The following NPAS3 variants were observed in gnomAD, a reference collection of about 807,000 sequenced individuals.
The protein encoded by NPAS3 is neuronal PAS domain protein 3.
In NPAS3, 14 loss-of-function variants were observed where a neutral mutation model predicts 73.1. The ratio of observed to expected loss-of-function variants is 0.19; its 90% CI spans 0.13 to 0.30. NPAS3 has a LOEUF of 0.30. Among genes scored for constraint, NPAS3 ranks in the 10% least tolerant of loss-of-function variants. NPAS3 has a pLI of 1.00. For missense variants in NPAS3, 1,096 were observed against 1,250.0 expected (o/e 0.88, Z 1.86); for synonymous variants, 620 against 541.5 (o/e 1.14, Z -2.01).
intron 4 of NPAS3, among the ~76,000 whole-genome samples, chr14:33,528,219 C>T (rs2053887787): frequency 6.6e-6 from 1 of 151,840 alleles, no homozygotes; most frequent in East Asian, 1.9e-4. Flanking sequence ...TTAATGTGCC[C>T]ACCCCACTGA....
intron 2 of NPAS3, among the ~76,000 whole-genome samples, chr14:33,147,962 T>G (rs1347288676): frequency 6.6e-6 from 1 of 151,950 alleles, no homozygotes; most frequent in Non-Finnish European, 1.5e-5. Context: ...CAATTCAAAC[T>G]TGGGCCATGG....
intron 3 of NPAS3, among the ~76,000 whole-genome samples, chr14:33,360,861 T>C (rs2045566603): frequency 6.6e-6 from 1 of 152,158 alleles, no homozygotes; most frequent in South Asian, 2.1e-4. Flanking sequence ...CGGCCCAGGC[T>C]GTGGATCACG....
Position 33,414,088 on chromosome 14 carries a change from G to T in NPAS3, c.468+46820G>T, listed in dbSNP as rs535177173. Among the ~76,000 whole-genome samples the T allele has an allele frequency of 8.1e-4, 123 of 152,170 alleles. 3 individuals carry two copies. The East Asian group carries it at 0.012, about 14-fold the overall frequency. On this transcript the variant is annotated intron_variant, in intron 4 of 11. Transcript: ENST00000356141. ...CCTTAGTTAGAGACTCAGGTTATGT[G>T]CATATTGCAATATTTCCATGCATTT...
At position 33,443,037 on chromosome 14, in the gene NPAS3, C is replaced by G. The variant is rs117032195; in HGVS notation, c.468+75769C>G. On this transcript the variant is annotated intron_variant, in intron 4 of 11. Transcript: ENST00000356141. ...ACATTGTTTAAAATGTGGAATGATT[C>G]AGGATAATTACAGAGCAAATCAGTA... Among the ~76,000 whole-genome samples, 909 of 152,236 alleles carry G rather than the reference C, an allele frequency of 6.0e-3. 12 individuals carry two copies. Among genetic ancestry groups the G allele is most frequent in the South Asian group, 0.032 (152 of 4,820 alleles).
intron 7 of NPAS3, among the ~76,000 whole-genome samples, chr14:33,764,114 T>C (rs1379178026): frequency 2.0e-5 from 3 of 152,206 alleles, no homozygotes; most frequent in African/African-American, 4.8e-5. Flanking sequence ...CAAAATATAA[T>C]CATTTATTCT....
At chr14:32,975,649 T>A (rs1053734058) in intron 1 of NPAS3, among the ~76,000 whole-genome samples, 9 of 152,226 alleles carry the variant, frequency 5.9e-5, no homozygotes, top group Non-Finnish European at 8.8e-5. Context: ...ACAGTTTTTT[T>A]AATTAATCTT....
At chr14:33,263,940 A>G (rs1014576253) in intron 3 of NPAS3, among the ~76,000 whole-genome samples, 3 of 152,238 alleles carry the variant, frequency 2.0e-5, no homozygotes, top group African/African-American at 7.2e-5. Context: ...CCAAAGGATT[A>G]TAAATCATGC....
At chr14:33,161,108 C>T (rs954596910) in intron 2 of NPAS3, among the ~76,000 whole-genome samples, 1 of 152,220 alleles carries the variant, frequency 6.6e-6, no homozygotes, top group East Asian at 1.9e-4. Flanking sequence ...TTTAGCTTTT[C>T]CTTAGAAAGC....
chr14:33,607,333 AG>A (rs1397842898), intron 5 of NPAS3, among the ~76,000 whole-genome samples: 3 of 152,176 alleles, frequency 2.0e-5, no homozygotes, highest in Admixed American at 2.0e-4. Context: ...AGCAATAGAA[AG>A]GAATAAACTT....
Position 33,022,590 on chromosome 14 carries a change from G to A in NPAS3, c.51-33315G>A, listed in dbSNP as rs555263560. On this transcript the variant is annotated intron_variant, in intron 1 of 11. Transcript: ENST00000356141. ...TGAGGCAGGAGAATGGCGTGAACCC[G>A]GGAGGCGGAGCCTGCAGTGAGCCGA... is the stretch of plus-strand genomic sequence containing the variant. 7.4e-5 allele frequency among the ~76,000 whole-genome samples: 11 copies of A among 149,346 alleles called. No homozygotes were observed. In the South Asian group the frequency reaches 1.1e-3, roughly 14 times the overall value.
At chr14:32,942,013 T>A (rs539936225) in intron 1 of NPAS3, among the ~76,000 whole-genome samples, 5 of 152,374 alleles carry the variant, frequency 3.3e-5, no homozygotes, top group Admixed American at 3.3e-4. Context: ...TTTTTCATAC[T>A]TGCTTCAAGT....
intron 3 of NPAS3, among the ~76,000 whole-genome samples, chr14:33,266,428 C>T (rs1313247240): frequency 1.3e-5 from 2 of 152,108 alleles, no homozygotes; most frequent in Non-Finnish European, 2.9e-5. Flanking sequence ...CACCATAACC[C>T]ATCAATGAGA....
At chr14:33,665,484 A>G (rs78282723) in intron 5 of NPAS3, among the ~76,000 whole-genome samples, 3,290 of 152,282 alleles carry the variant, frequency 0.022, 129 homozygotes, top group African/African-American at 0.075. Flanking sequence ...GACTTTGAAC[A>G]GACCTTTTCC....
At chr14:33,252,108 T>A (rs1262062148) in intron 3 of NPAS3, among the ~76,000 whole-genome samples, 1 of 150,610 alleles carries the variant, frequency 6.6e-6, no homozygotes, top group Non-Finnish European at 1.5e-5. Flanking sequence ...ACCCATTATG[T>A]TAGGATCCAC....
chr14:33,180,893 G>A lies in NPAS3; in HGVS notation c.141-34289G>A, dbSNP rs113902440. 3.4e-3 allele frequency among the ~76,000 whole-genome samples: 514 copies of A among 150,690 alleles called. 1 individual carries two copies. The highest frequency in any genetic ancestry group is 0.025 in the Middle Eastern group (7 of 282). ...GATGACAGATTGAATAGGGAGGTAT[G>A]AACATATAGCTATATAATTAAGGCT... On this transcript the variant is annotated intron_variant, in intron 2 of 11. Coordinates refer to ENST00000356141, the Ensembl canonical transcript of NPAS3.
At position 33,537,739 on chromosome 14, in the gene NPAS3, G is replaced by A. The variant is rs537484939; in HGVS notation, c.469-22382G>A. Among the ~76,000 whole-genome samples, 141 of 152,316 alleles carry A rather than the reference G, an allele frequency of 9.3e-4. 1 individual carries two copies. Among genetic ancestry groups the A allele is most frequent in the African/African-American group, 3.0e-3 (126 of 41,570 alleles). ...TGAAACCACTGGTGCTGGGAGAGTA[G>A]GGACCCATTTGACATTGGACGGGAA... On this transcript the variant is annotated intron_variant, in intron 4 of 11. Coordinates refer to ENST00000356141, the Ensembl canonical transcript of NPAS3.
At chr14:33,501,634 T>A (rs1212940440) in intron 4 of NPAS3, among the ~76,000 whole-genome samples, 1 of 151,504 alleles carries the variant, frequency 6.6e-6, no homozygotes, top group South Asian at 2.1e-4. Context: ...GGATTTGTTT[T>A]TTTTTTTTTT....
intron 3 of NPAS3, among the ~76,000 whole-genome samples, chr14:33,246,307 A>G (rs1434239713): frequency 1.3e-5 from 2 of 152,032 alleles, no homozygotes; most frequent in East Asian, 3.9e-4. Flanking sequence ...TGGGAGGCCG[A>G]GGCGGGCGGA....
At chr14:33,144,090 C>T (rs949840003) in intron 2 of NPAS3, among the ~76,000 whole-genome samples, 7 of 152,096 alleles carry the variant, frequency 4.6e-5, no homozygotes, top group Non-Finnish European at 8.8e-5. Context: ...CTGGAATTGC[C>T]GGGTCATGTG....
Sources: gnomAD v4.1 joint callset for allele counts (sites outside exome capture counted in the v4.1 genomes callset) on GRCh38, gnomAD v4.1.1 for gene constraint, MANE v1.5 for transcripts, NCBI Gene and HGNC (gene_info 2026-07-23, HGNC 2026-07-21) for gene names.